The following ST8SIA1 variants were observed in gnomAD, a reference collection of about 807,000 sequenced individuals.
ST8SIA1 encodes the protein ST8 alpha-N-acetyl-neuraminide alpha-2,8-sialyltransferase 1.
In ST8SIA1, 16 loss-of-function variants were observed where a neutral mutation model predicts 35.9. The ratio of observed to expected loss-of-function variants is 0.45; its 90% confidence interval spans 0.30 to 0.68. ST8SIA1 has a LOEUF of 0.68. ST8SIA1 is among the 30% of genes least tolerant of loss of function. The pLI, the probability that ST8SIA1 is intolerant of heterozygous loss-of-function variation, is 0.09. For synonymous variants in ST8SIA1, 170 were observed against 169.6 expected, an observed-to-expected ratio of 1.00 and a Z score of -0.02; for missense variants, 383 against 453.6, an observed-to-expected ratio of 0.84 and a Z score of 1.41.
intron 1 of ST8SIA1, among the ~76,000 whole-genome samples, chr12:22,306,416 A>G (rs537806827): frequency 6.6e-6 from 1 of 152,164 alleles, no homozygotes; most frequent in East Asian, 1.9e-4. Flanking sequence ...CTTTCTTGAG[A>G]AAGGGTACAA....
At chr12:22,254,192 T>C (rs7959390) in intron 3 of ST8SIA1, among the ~76,000 whole-genome samples, 4,027 of 152,250 alleles carry the variant, frequency 0.026, 171 homozygotes, top group African/African-American at 0.091. Flanking sequence ...TCAGAGTCTA[T>C]CCTCAAGGCT....
intron 4 of ST8SIA1, among the ~76,000 whole-genome samples, chr12:22,225,757 A>T (rs188913500): frequency 6.6e-6 from 1 of 152,262 alleles, no homozygotes; most frequent in Non-Finnish European, 1.5e-5. Context: ...CCCTCTGCAA[A>T]GCCTGAAACC....
intron 4 of ST8SIA1, among the ~76,000 whole-genome samples, chr12:22,229,639 A>G (rs1289573091): frequency 6.9e-6 from 1 of 145,268 alleles, no homozygotes; most frequent in Non-Finnish European, 1.5e-5. Flanking sequence ...AAAAAAAAAG[A>G]ATAACTTCAA....
chr12:22,214,187 A>G (rs944932477), intron 4 of ST8SIA1, among the ~76,000 whole-genome samples: 21 of 152,204 alleles, frequency 1.4e-4, no homozygotes, highest in African/African-American at 4.6e-4. Context: ...AAGAGTAGAC[A>G]AAAAAGGAAG....
At chr12:22,252,887 C>T (rs1591835421) in intron 3 of ST8SIA1, among the ~76,000 whole-genome samples, 1 of 152,150 alleles carries the variant, frequency 6.6e-6, no homozygotes, top group African/African-American at 2.4e-5. Context: ...TTGTACTGCA[C>T]GAAGTGTATT....
chr12:22,251,237 G>A (rs896110484), intron 3 of ST8SIA1, among the ~76,000 whole-genome samples: 2 of 152,184 alleles, frequency 1.3e-5, no homozygotes, highest in African/African-American at 2.4e-5. Context: ...GAGTATTGCT[G>A]GAGAGTACTG....
chr12:22,206,765 A>G (rs1206811698), intron 4 of ST8SIA1, among the ~76,000 whole-genome samples: 1 of 152,210 alleles, frequency 6.6e-6, no homozygotes. Flanking sequence ...ACACACAGCC[A>G]AGCTCAGAAG....
At position 22,201,513 on chromosome 12, in the gene ST8SIA1, A is replaced by G; in HGVS notation, c.*39T>C. 6.5e-7 allele frequency: 1 copy of G among 1,541,492 alleles called. No homozygotes were observed. Among genetic ancestry groups the G allele is most frequent in the Non-Finnish European group, 8.7e-7 (1 of 1,148,768 alleles). On this transcript the variant is annotated 3_prime_UTR_variant, in exon 5 of 5. Coordinates refer to ENST00000396037, the MANE Select transcript of ST8SIA1 (RefSeq NM_003034.4). ...CTTGGAGTCACATAGAAAACCTAACAAAAATACCCTGGTTCAGTCCTTTCT... is the reference window on the plus strand; with the variant it reads ...CTTGGAGTCACATAGAAAACCTAACGAAAATACCCTGGTTCAGTCCTTTCT...
intron 1 of ST8SIA1, among the ~76,000 whole-genome samples, chr12:22,316,459 T>G (rs1336929601): frequency 2.6e-5 from 4 of 152,232 alleles, no homozygotes; most frequent in African/African-American, 9.6e-5. Context: ...AAAAGTTGGA[T>G]CTCTACCTCA....
chr12:22,255,343 T>C lies in ST8SIA1; in HGVS notation c.428A>G (p.Asn143Ser). 2 of 1,614,158 alleles carry C rather than the reference T, an allele frequency of 1.2e-6. No individual in the cohort carries two copies. The highest frequency in any genetic ancestry group is 1.6e-4 in the Middle Eastern group (1 of 6,062). Residue 143 changes from asparagine (N) to serine (S), a missense_variant, in exon 3 of 5, where the codon AAT becomes AGT. Physicochemically the swap from Asn to Ser is conservative, Grantham distance 46. Transcript: ENST00000396037. Reference protein sequence around the residue: ...LPLKKCAVVGNGGILKKSGCG... With the variant: ...LPLKKCAVVGSGGILKKSGCG... The stretch of plus-strand genomic sequence containing the variant: ...GCCACTCTTCTTCAGAATCCCACCA[T>C]TTCCCACCACCGCGCATTTCTTCAA...
intron 1 of ST8SIA1, among the ~76,000 whole-genome samples, chr12:22,329,071 T>A (rs777690785): frequency 3.9e-5 from 6 of 152,196 alleles, no homozygotes; most frequent in Non-Finnish European, 5.9e-5. Context: ...CAATATAGCC[T>A]GGCCTATTTT....
chr12:22,268,101 A>T (rs570480596), intron 2 of ST8SIA1, among the ~76,000 whole-genome samples: 1 of 152,344 alleles, frequency 6.6e-6, no homozygotes, highest in Non-Finnish European at 1.5e-5. Flanking sequence ...ATGTCTTTGT[A>T]ACTCTTAGTG....
At chr12:22,333,708 T>C (rs1377641222) in intron 1 of ST8SIA1, 6 of 568,826 alleles carry the variant, frequency 1.1e-5, no homozygotes, top group African/African-American at 1.9e-5. Flanking sequence ...TCCCTCTGTT[T>C]TGTTTATCCG....
intron 1 of ST8SIA1, among the ~76,000 whole-genome samples, chr12:22,307,242 G>A (rs1029231357): frequency 2.6e-5 from 4 of 152,190 alleles, no homozygotes; most frequent in Admixed American, 6.5e-5. Context: ...ATTACCAAGC[G>A]CTGGGCTTCA....
chr12:22,262,100 A>G (rs1202684812), intron 2 of ST8SIA1, among the ~76,000 whole-genome samples: 3 of 151,438 alleles, frequency 2.0e-5, no homozygotes, highest in African/African-American at 7.3e-5. Context: ...GGTCTATTAG[A>G]TAATATTAGG....
chr12:22,295,478 A>T (rs1392665878), intron 1 of ST8SIA1, among the ~76,000 whole-genome samples: 1 of 152,200 alleles, frequency 6.6e-6, no homozygotes, highest in African/African-American at 2.4e-5. Flanking sequence ...CACACCTGTA[A>T]TCCCAGCACT....
In ST8SIA1 at chr12:22,201,458, CA is replaced by C; in HGVS notation, c.*93del. On this transcript the variant is annotated 3_prime_UTR_variant, in exon 5 of 5. Transcript: ENST00000396037. Reference sequence around the variant, plus strand: ...TTTCCTGTTTTTCCAAGGGCCCATGCAAACTCATGAAACAACTTGACCATTC... The same window carrying C: ...TTTCCTGTTTTTCCAAGGGCCCATGCAACTCATGAAACAACTTGACCATTC... The C allele has an allele frequency of 6.7e-7, 1 of 1,481,644 alleles. No homozygotes were observed. The highest frequency in any genetic ancestry group is 9.0e-7 in the Non-Finnish European group (1 of 1,110,710). The allele number at this position is 1,481,644 out of a possible 1,614,324, so 91.8% of individuals were successfully genotyped here.
rs183143848 is a variant in ST8SIA1, at chr12:22,243,861, G to A, written c.584+5145C>T. ...AGCCTTGCCAACATGGTGAAACCCCGTCTCTACAAAAAATACAAAATCACC... is the reference window on the plus strand; with the variant it reads ...AGCCTTGCCAACATGGTGAAACCCCATCTCTACAAAAAATACAAAATCACC... On this transcript the variant is annotated intron_variant, in intron 4 of 4. Coordinates refer to ENST00000396037, the MANE Select transcript of ST8SIA1 (RefSeq NM_003034.4). 4.3e-3 allele frequency among the ~76,000 whole-genome samples: 657 copies of A among 152,084 alleles called. 2 individuals carry two copies. The highest frequency in any genetic ancestry group is 0.014 in the African/African-American group (597 of 41,492).
intron 4 of ST8SIA1, among the ~76,000 whole-genome samples, chr12:22,214,007 T>C (rs1169626550): frequency 2.0e-5 from 3 of 152,196 alleles, no homozygotes; most frequent in Admixed American, 6.5e-5. Flanking sequence ...ACTGCTTTCA[T>C]TGTGATATGT....
Sources: gnomAD v4.1 joint callset for allele counts (sites outside exome capture counted in the v4.1 genomes callset) on GRCh38, gnomAD v4.1.1 for gene constraint, MANE v1.5 for transcripts, NCBI Gene and HGNC (gene_info 2026-07-23, HGNC 2026-07-21) for gene names.